Variants in CSRP3 observed in about 807,000 individuals in gnomAD.
CSRP3 encodes the protein cysteine and glycine rich protein 3, also known as cysteine and glycine-rich protein 3.
CSRP3 carries 24 observed loss-of-function variants against 24.3 expected under a neutral mutation model. That is an observed-to-expected ratio of 0.99 (90% confidence interval 0.71 to 1.39). The LOEUF is 1.39. Ranked by LOEUF, CSRP3 falls within the 40% of genes most tolerant of loss-of-function variation. CSRP3 has a pLI of 0.00. For synonymous variants in CSRP3, 105 were observed against 94.0 expected, an observed-to-expected ratio of 1.12 and a Z score of -0.68; for missense variants, 240 against 249.0, an observed-to-expected ratio of 0.96 and a Z score of 0.24.
chr11:19,201,301 T>G (rs934602181), intron 1 of CSRP3, among the ~76,000 whole-genome samples: 1 of 152,244 alleles, frequency 6.6e-6, no homozygotes, highest in Non-Finnish European at 1.5e-5. Context: ...AAAGCAAACT[T>G]GTTGCTGAAT....
At chr11:19,192,575 T>A in intron 1 of CSRP3, 99 bp from the exon 2 acceptor site, 2 of 742,708 alleles carry the variant, frequency 2.7e-6, no homozygotes, top group Non-Finnish European at 4.8e-6. Context: ...CCAGCCCAAT[T>A]TTTTTTTAGT....
At chr11:19,184,590 G>A (rs903423726) in intron 5 of CSRP3, among the ~76,000 whole-genome samples, 4 of 152,194 alleles carry the variant, frequency 2.6e-5, no homozygotes, top group South Asian at 4.1e-4. Context: ...ATGGTGTTTC[G>A]ATTTTTGGAA....
intron 5 of CSRP3, among the ~76,000 whole-genome samples, chr11:19,183,468 C>G (rs1850472093): frequency 6.6e-6 from 1 of 152,156 alleles, no homozygotes; most frequent in Non-Finnish European, 1.5e-5. Flanking sequence ...CCCAAACCCA[C>G]ATTCACCCAT....
chr11:19,184,921 A>G (rs753220918), intron 5 of CSRP3, 31 bp downstream of exon 5: 1 of 1,534,976 alleles, frequency 6.5e-7, no homozygotes, highest in South Asian at 1.1e-5. Flanking sequence ...TAGGGAAAAC[A>G]TATTTCAAGA....
At chr11:19,183,613 T>C (rs939930238) in intron 5 of CSRP3, among the ~76,000 whole-genome samples, 5 of 152,178 alleles carry the variant, frequency 3.3e-5, no homozygotes, top group African/African-American at 7.2e-5. Context: ...AATGCAATTA[T>C]TCATTTACAT....
chr11:19,185,620 A>C (rs112519911), intron 4 of CSRP3, among the ~76,000 whole-genome samples: 1,737 of 152,250 alleles, frequency 0.011, 35 homozygotes, highest in African/African-American at 0.04. Context: ...TTGTGTTTGA[A>C]GTTAGATGCT....
chr11:19,199,128 G>T (rs781742091), intron 1 of CSRP3, among the ~76,000 whole-genome samples: 5 of 152,030 alleles, frequency 3.3e-5, no homozygotes, highest in Non-Finnish European at 5.9e-5. Flanking sequence ...TGCCCAGGTC[G>T]GGGTGAGAGT....
At chr11:19,191,670 G>A (rs1477029090) in intron 2 of CSRP3, among the ~76,000 whole-genome samples, 1 of 152,186 alleles carries the variant, frequency 6.6e-6, no homozygotes, top group South Asian at 2.1e-4. Context: ...AGTCACGTGA[G>A]TCAGGCAGGA....
At chr11:19,188,504 T>G (rs1401704571) in intron 2 of CSRP3, among the ~76,000 whole-genome samples, 200 bp from the exon 3 acceptor site, 1 of 151,952 alleles carries the variant, frequency 6.6e-6, no homozygotes, top group Non-Finnish European at 1.5e-5. Flanking sequence ...CAAAATTGGG[T>G]TCAGTGGTTC....
In CSRP3 at chr11:19,192,466, C is replaced by A; in HGVS notation, c.-18G>T. 6.3e-7 allele frequency: 1 copy of A among 1,598,860 alleles called. No individual in the cohort carries two copies. The highest frequency in any genetic ancestry group is 8.6e-7 in the Non-Finnish European group (1 of 1,166,062). ...TTTGGCATCTTGAAGACTATCTGGT[C>A]AAGGTCAAGTCTAAGGGGACATAAA... On this transcript the variant is annotated 5_prime_UTR_variant, in exon 2 of 6. Transcript: ENST00000265968.
intron 1 of CSRP3, among the ~76,000 whole-genome samples, chr11:19,192,731 T>C (rs758401015): frequency 1.3e-5 from 2 of 152,194 alleles, no homozygotes; most frequent in South Asian, 2.1e-4. Flanking sequence ...TCTATTCCTA[T>C]GTATCTCACA....
At chr11:19,192,498 A>G (rs1590106301) in intron 1 of CSRP3, 22 bp from the exon 2 acceptor site, 2 of 1,454,594 alleles carry the variant, frequency 1.4e-6, no homozygotes, top group East Asian at 2.3e-5. Flanking sequence ...TAAAGCAAAT[A>G]CCCTACATTG....
rs1222623422 is a variant in CSRP3 at position 19,182,389 on chromosome 11, GA to G, written c.*280del. On this transcript the variant is annotated 3_prime_UTR_variant, in exon 6 of 6. Coordinates refer to ENST00000265968, the MANE Select transcript of CSRP3 (RefSeq NM_003476.5). ...TGTTTTTGAAAATTTCTATCTCAAA[GA>G]AAAGATCTAGAGCCATACAAGATAG... 2.2e-5 allele frequency: 9 copies of G among 407,712 alleles called. No individual in the cohort carries two copies. In the Admixed American group the frequency reaches 3.4e-4, roughly 15 times the overall value. The allele number at this position is 407,712 out of a possible 1,614,324, so 25.3% of individuals were successfully genotyped here.
At chr11:19,193,214 T>C (rs11025051) in intron 1 of CSRP3, among the ~76,000 whole-genome samples, 1 of 152,168 alleles carries the variant, frequency 6.6e-6, no homozygotes, top group South Asian at 2.1e-4. Flanking sequence ...ACCCTCTACC[T>C]GCTGTTCATA....
chr11:19,191,462 C>G (rs540483476), intron 2 of CSRP3, among the ~76,000 whole-genome samples: 1 of 152,128 alleles, frequency 6.6e-6, no homozygotes, highest in Non-Finnish European at 1.5e-5. Context: ...ACCTCCTGGA[C>G]AGAAGCAGAG....
At chr11:19,194,380 A>T (rs1360466977) in intron 1 of CSRP3, among the ~76,000 whole-genome samples, 1 of 152,194 alleles carries the variant, frequency 6.6e-6, no homozygotes, top group African/African-American at 2.4e-5. Context: ...AAAGAACTTT[A>T]AAAAAGGAAA....
chr11:19,199,718 T>A (rs570459989), intron 1 of CSRP3, among the ~76,000 whole-genome samples: 1 of 152,298 alleles, frequency 6.6e-6, no homozygotes, highest in Admixed American at 6.5e-5. Context: ...TAAACGACCA[T>A]CAAATCATGA....
intron 3 of CSRP3, 105 bp from the exon 4 acceptor site, chr11:19,186,453 C>T: frequency 7.2e-7 from 1 of 1,379,914 alleles, no homozygotes; most frequent in East Asian, 2.3e-5. Flanking sequence ...GTCTCAGACT[C>T]CTCATCTGGA....
rs1048456701 is a variant in CSRP3 at position 19,201,969 on chromosome 11, C to T, written c.-44G>A. 3.3e-5 allele frequency: 5 copies of T among 152,610 alleles called. No homozygotes were observed. The highest frequency in any genetic ancestry group is 1.2e-4 in the African/African-American group (5 of 41,576). The allele number at this position is 152,610 out of a possible 1,614,324, so 9.5% of individuals were successfully genotyped here. Reference sequence around the variant, plus strand: ...CTCCACTCACCTGCCTGTGTGGACTCCGTTCAGCTCAACTGAGTCTGAGGG... The same window carrying T: ...CTCCACTCACCTGCCTGTGTGGACTTCGTTCAGCTCAACTGAGTCTGAGGG... On this transcript the variant is annotated 5_prime_UTR_variant, in exon 1 of 6. Coordinates refer to ENST00000265968, the MANE Select transcript of CSRP3 (RefSeq NM_003476.5).
Sources: gnomAD v4.1 joint callset for allele counts (sites outside exome capture counted in the v4.1 genomes callset) on GRCh38, gnomAD v4.1.1 for gene constraint, MANE v1.5 for transcripts, NCBI Gene and HGNC (gene_info 2026-07-23, HGNC 2026-07-21) for gene names.